Variants in TMEM232 observed in about 807,000 individuals in gnomAD.
TMEM232 encodes the protein transmembrane protein 232.
In TMEM232, 80 loss-of-function variants were observed where a neutral mutation model predicts 78.8. The ratio of observed to expected loss-of-function variants is 1.01; its 90% CI spans 0.85 to 1.22. TMEM232 has a LOEUF of 1.22. Ranked by LOEUF, TMEM232 falls within the 50% of genes most tolerant of loss-of-function variation. TMEM232 has a pLI of 0.00. For missense variants in TMEM232, 881 were observed against 742.2 expected, an observed-to-expected ratio of 1.19 and a Z score of -2.17; for synonymous variants, 297 against 254.3, an observed-to-expected ratio of 1.17 and a Z score of -1.60.
At chr5:110,738,853 C>T (rs900843879), upstream of TMEM232, 6 of 718,890 alleles carry the variant, frequency 8.3e-6, no homozygotes, top group African/African-American at 1.1e-4. Flanking sequence ...AATCCCACAA[C>T]CATATTCCCA....
At chr5:110,458,878 C>T (rs1410521234) in intron 12 of TMEM232, among the ~76,000 whole-genome samples, 2 of 152,132 alleles carry the variant, frequency 1.3e-5, no homozygotes, top group African/African-American at 4.8e-5. Flanking sequence ...TAAATATTTG[C>T]TAAACTAATT....
At chr5:110,694,178 C>A (rs1414412822) in intron 1 of TMEM232, among the ~76,000 whole-genome samples, 1 of 152,128 alleles carries the variant, frequency 6.6e-6, no homozygotes, top group African/African-American at 2.4e-5. Context: ...GAATTTTCAA[C>A]CCAGAATTTC....
At chr5:110,549,736 G>T (rs1000418727) in intron 11 of TMEM232, among the ~76,000 whole-genome samples, 2 of 150,372 alleles carry the variant, frequency 1.3e-5, no homozygotes, top group Non-Finnish European at 3.0e-5. Context: ...AGATTTTAAA[G>T]ACATTAAAAA....
At chr5:110,438,790 CT>C (rs1241881187) in intron 12 of TMEM232, among the ~76,000 whole-genome samples, 5 of 152,102 alleles carry the variant, frequency 3.3e-5, no homozygotes, top group Non-Finnish European at 1.5e-5. Context: ...GTAGAGCCAT[CT>C]AATTCTTCGG....
intron 2 of TMEM232, among the ~76,000 whole-genome samples, chr5:110,663,747 G>GTA (rs750581125): frequency 9.1e-6 from 1 of 110,490 alleles, no homozygotes; most frequent in African/African-American, 4.4e-5. Context: ...GTGTGTGTAT[G>GTA]TGTGTGTGTG....
intron 11 of TMEM232, among the ~76,000 whole-genome samples, chr5:110,536,726 T>C (rs1772406532): frequency 6.6e-6 from 1 of 152,142 alleles, no homozygotes; most frequent in Non-Finnish European, 1.5e-5. Context: ...GATGACTGGT[T>C]GTTTAAAAAG....
Position 110,420,395 on chromosome 5 carries a change from T to A in TMEM232, c.*185A>T. Reference sequence around the variant, plus strand: ...TCAAGTGTGATTAAAAGTTGGTCATTAATTTAGAACTAAGAAATAACTATT... The same window carrying A: ...TCAAGTGTGATTAAAAGTTGGTCATAAATTTAGAACTAAGAAATAACTATT... On this transcript the variant is annotated 3_prime_UTR_variant, in exon 14 of 14. Transcript: ENST00000455884. The A allele has an allele frequency of 2.2e-6, 1 of 455,306 alleles. No individual in the cohort carries two copies. Among genetic ancestry groups the A allele is most frequent in the Non-Finnish European group, 3.7e-6 (1 of 266,870 alleles). 28.2% of individuals were successfully genotyped at this position (455,306 alleles called of 1,614,324 possible).
chr5:110,722,060 G>C (rs1797704126), intron 1 of TMEM232, among the ~76,000 whole-genome samples: 1 of 152,012 alleles, frequency 6.6e-6, no homozygotes, highest in Non-Finnish European at 1.5e-5. Flanking sequence ...ATTGTCAGGG[G>C]TTGGAGGTTA....
intron 10 of TMEM232, among the ~76,000 whole-genome samples, chr5:110,598,869 G>T (rs1427434601): frequency 5.4e-5 from 6 of 110,340 alleles, no homozygotes; most frequent in Admixed American, 1.2e-4. Context: ...TGTGGGGTGG[G>T]GGGAGGGGGG....
intron 12 of TMEM232, among the ~76,000 whole-genome samples, chr5:110,440,622 G>T (rs1462584518): frequency 2.0e-5 from 3 of 152,024 alleles, no homozygotes; most frequent in Admixed American, 2.0e-4. Context: ...GAAGAGAATA[G>T]ATTCTGAAAA....
intron 2 of TMEM232, among the ~76,000 whole-genome samples, chr5:110,643,085 T>G (rs1278882414): frequency 6.6e-6 from 1 of 152,026 alleles, no homozygotes; most frequent in Admixed American, 6.6e-5. Context: ...GGATATGTCT[T>G]GACTTCGGCT....
intron 3 of TMEM232, 39 bp from the exon 4 acceptor site, chr5:110,641,035 A>T: frequency 7.9e-7 from 1 of 1,258,284 alleles, no homozygotes; most frequent in Non-Finnish European, 1.1e-6. Flanking sequence ...ATCAAAATGT[A>T]CATATTTTTA....
chr5:110,644,969 T>C (rs1206344773), intron 2 of TMEM232, among the ~76,000 whole-genome samples: 1 of 151,346 alleles, frequency 6.6e-6, no homozygotes, highest in African/African-American at 2.4e-5. Context: ...TACCAACAAA[T>C]TGGATAATCT....
chr5:110,610,068 A>G (rs1268643237), intron 8 of TMEM232, among the ~76,000 whole-genome samples: 5 of 151,972 alleles, frequency 3.3e-5, no homozygotes, highest in Non-Finnish European at 5.9e-5. Flanking sequence ...CAAAGAAATT[A>G]AAATGTAAAA....
At chr5:110,710,944 G>T (rs757896201) in intron 1 of TMEM232, among the ~76,000 whole-genome samples, 1 of 151,776 alleles carries the variant, frequency 6.6e-6, no homozygotes, top group African/African-American at 2.4e-5. Flanking sequence ...GAAACAAAGG[G>T]CATCCAAATT....
At chr5:110,451,166 T>C (rs1004875452) in intron 12 of TMEM232, among the ~76,000 whole-genome samples, 1 of 152,198 alleles carries the variant, frequency 6.6e-6, no homozygotes, top group African/African-American at 2.4e-5. Context: ...TGATATATCA[T>C]CTTCTCTGTT....
chr5:110,388,720 A>T (rs998275007), intron 4 of TMEM232, among the ~76,000 whole-genome samples: 1 of 152,192 alleles, frequency 6.6e-6, no homozygotes, highest in African/African-American at 2.4e-5. Flanking sequence ...GTTGAAGGCC[A>T]TATAAATAGC....
intron 12 of TMEM232, among the ~76,000 whole-genome samples, chr5:110,499,433 T>C (rs574428990): frequency 6.6e-6 from 1 of 152,198 alleles, no homozygotes; most frequent in South Asian, 2.1e-4. Flanking sequence ...TTAAAAATTT[T>C]ATTTGTAGAG....
intron 1 of TMEM232, among the ~76,000 whole-genome samples, chr5:110,705,900 T>A (rs1293582691): frequency 6.6e-6 from 1 of 151,382 alleles, no homozygotes; most frequent in Non-Finnish European, 1.5e-5. Context: ...TCAACCCCCC[T>A]CCAAAATAAT....
Sources: gnomAD v4.1 joint callset for allele counts (sites outside exome capture counted in the v4.1 genomes callset) on GRCh38, gnomAD v4.1.1 for gene constraint, MANE v1.5 for transcripts, NCBI Gene and HGNC (gene_info 2026-07-23, HGNC 2026-07-21) for gene names.